SMCO1: variants seen among roughly 807,000 people sequenced by gnomAD.
The protein encoded by SMCO1 is single-pass membrane protein with coiled-coil domains 1.
A neutral mutation model predicts 7.5 loss-of-function variants in SMCO1; 9 were observed. The ratio of observed to expected loss-of-function variants is 1.20; its 90% CI spans 0.72 to 2.09. SMCO1 has a LOEUF of 2.09. Ranked by LOEUF, SMCO1 falls within the 30% of genes most tolerant of loss-of-function variation. The pLI, the probability that SMCO1 is intolerant of heterozygous loss-of-function variation, is 0.00. For synonymous variants in SMCO1, 90 were observed against 93.8 expected (o/e 0.96, Z 0.23); for missense variants, 219 against 253.1 (o/e 0.87, Z 0.91).
upstream of SMCO1, among the ~76,000 whole-genome samples, chr3:196,516,872 G>A (rs1452572482): frequency 6.6e-6 from 1 of 152,006 alleles, no homozygotes; most frequent in Non-Finnish European, 1.5e-5. Context: ...GCTGAGGTGG[G>A]TAGATCACTT....
chr3:196,515,774 G>T (rs971239100), upstream of SMCO1, among the ~76,000 whole-genome samples: 7 of 151,474 alleles, frequency 4.6e-5, no homozygotes, highest in Non-Finnish European at 8.8e-5. Context: ...GCCAAGGTGG[G>T]AGGATTGCTT....
intron 1 of SMCO1, among the ~76,000 whole-genome samples, chr3:196,511,428 C>A (rs142727335): frequency 6.1e-3 from 395 of 64,424 alleles, no homozygotes; most frequent in African/African-American, 0.036. Flanking sequence ...CTAGATTGTC[C>A]TTATGAGGGA....
intron 1 of SMCO1, among the ~76,000 whole-genome samples, chr3:196,511,823 G>T (rs1424628632): frequency 4.4e-5 from 5 of 114,828 alleles, no homozygotes; most frequent in African/African-American, 2.1e-4. Context: ...TGCCTGGGCC[G>T]CCTAGATTGT....
Position 196,508,065 on chromosome 3 carries a change from T to G in SMCO1, c.467A>C (p.Lys156Thr), listed in dbSNP as rs1038947502. The change falls in exon 3 of 3, where the codon AAA (lysine) becomes ACA (threonine). Residue 156 changes from lysine (K) to threonine (T), a missense_variant. Lys to Thr is a moderately conservative substitution (Grantham distance 78, BLOSUM62 -1). Transcript: ENST00000397537. ...ATCCCTGATGTACATCTGCCTCACT[T>G]TAGCAGTATAGTGTTCTGCCTTGTT... The part of the protein sequence containing the change: ...RGNKAEHYTA[K>T]VRQMYIRDVT... The G allele has an allele frequency of 6.2e-7, 1 of 1,614,202 alleles. No individual in the cohort carries two copies. The highest frequency in any genetic ancestry group is 8.5e-7 in the Non-Finnish European group (1 of 1,180,036).
chr3:196,515,459 G>A, upstream of SMCO1: 1 of 490,902 alleles, frequency 2.0e-6, no homozygotes, highest in Non-Finnish European at 3.7e-6. Context: ...ATTTGCCTTT[G>A]AAAACTGAAC....
upstream of SMCO1, among the ~76,000 whole-genome samples, chr3:196,516,998 CT>C (rs1733403386): frequency 6.9e-6 from 1 of 145,262 alleles, no homozygotes; most frequent in African/African-American, 2.5e-5. Flanking sequence ...ACTTGGGAGT[CT>C]GAGATAGGAG....
chr3:196,514,362 G>C (rs1733327281), intron 1 of SMCO1, among the ~76,000 whole-genome samples: 1 of 152,088 alleles, frequency 6.6e-6, no homozygotes, highest in Non-Finnish European at 1.5e-5. Context: ...TGTTTCCTCA[G>C]CCTAGAATGC....
At chr3:196,514,126 G>A (rs568819192) in intron 1 of SMCO1, among the ~76,000 whole-genome samples, 2 of 152,136 alleles carry the variant, frequency 1.3e-5, no homozygotes, top group Admixed American at 6.5e-5. Flanking sequence ...ACACAATTCC[G>A]ATTCTGTGAC....
At chr3:196,509,133 T>C (rs1462781846) in intron 2 of SMCO1, among the ~76,000 whole-genome samples, 5 of 146,814 alleles carry the variant, frequency 3.4e-5, no homozygotes, top group Non-Finnish European at 6.0e-5. Context: ...CACTGCAAGC[T>C]CCGCCTCCCG....
intron 2 of SMCO1, among the ~76,000 whole-genome samples, chr3:196,508,890 T>C (rs1226345422): frequency 1.4e-5 from 2 of 138,516 alleles, no homozygotes; most frequent in South Asian, 2.4e-4. Context: ...GGAGCCAAGA[T>C]TGCCCCACTG....
chr3:196,516,055 A>T (rs1226862563), upstream of SMCO1, among the ~76,000 whole-genome samples: 8 of 81,426 alleles, frequency 9.8e-5, no homozygotes, highest in African/African-American at 7.0e-4. Context: ...TTATACATAT[A>T]ATTATATATA....
upstream of SMCO1, among the ~76,000 whole-genome samples, chr3:196,517,497 C>T (rs1035232039): frequency 4.6e-5 from 7 of 152,050 alleles, no homozygotes; most frequent in Non-Finnish European, 7.4e-5. Flanking sequence ...TATAAGGAAG[C>T]GCTGGTGGGA....
In SMCO1 at chr3:196,507,309, C is replaced by G. The variant is rs1181767803; in HGVS notation, c.*578G>C. On this transcript the variant is annotated 3_prime_UTR_variant, in exon 3 of 3. Transcript: ENST00000397537. ...TATTGCTATCACTGTGTTGCCCAGGCTGGTCTGAAACCCCTGAGCTCAAGT... is the reference window on the plus strand; with the variant it reads ...TATTGCTATCACTGTGTTGCCCAGGGTGGTCTGAAACCCCTGAGCTCAAGT... 2 of 152,262 alleles carry G rather than the reference C, an allele frequency of 1.3e-5. No homozygotes were observed. Among genetic ancestry groups the G allele is most frequent in the African/African-American group, 4.8e-5 (2 of 41,430 alleles). The allele number at this position is 152,262 out of a possible 1,614,324, so 9.4% of individuals were successfully genotyped here. A position where few individuals can be genotyped will look rare whatever the true frequency, so the allele number is the denominator to read the frequency against.
At chr3:196,509,281 G>T (rs754390211) in intron 2 of SMCO1, among the ~76,000 whole-genome samples, 11 of 149,320 alleles carry the variant, frequency 7.4e-5, no homozygotes, top group Admixed American at 2.0e-4. Flanking sequence ...AGCCAGGGTG[G>T]TCTCGATCTC....
At chr3:196,520,039 C>G (rs1251955115), upstream of SMCO1, among the ~76,000 whole-genome samples, 1 of 152,174 alleles carries the variant, frequency 6.6e-6, no homozygotes. Flanking sequence ...AGATGGGAAA[C>G]AGACCATCTA....
rs1553864942 is a variant in SMCO1 at position 196,508,955 on chromosome 3, A to AAG, written c.200+564_200+565insCT. Among the ~76,000 whole-genome samples the AAG allele has an allele frequency of 2.2e-3, 285 of 130,090 alleles. 5 individuals carry two copies. Among genetic ancestry groups the AAG allele is most frequent in the African/African-American group, 0.011 (257 of 22,928 alleles). 85.3% of individuals were successfully genotyped at this position (130,090 alleles called of 152,430 possible). A position where few individuals can be genotyped will look rare whatever the true frequency, so the allele number is the denominator to read the frequency against. On this transcript the variant is annotated intron_variant, in intron 2 of 2. Transcript: ENST00000397537. ...CCATCTCAAAAAAAAAAAAAAAAAG[A>AAG]AAAAAAAATTAATGCAAATAAGGCT...
upstream of SMCO1, among the ~76,000 whole-genome samples, chr3:196,517,532 G>A (rs947246165): frequency 6.6e-6 from 1 of 152,094 alleles, no homozygotes; most frequent in African/African-American, 2.4e-5. Context: ...GGGTGTGGAA[G>A]CTCTACAGCA....
At chr3:196,512,509 C>CTTTTTTTTTTTTTT (rs36023059) in intron 1 of SMCO1, among the ~76,000 whole-genome samples, 1 of 114,044 alleles carries the variant, frequency 8.8e-6, no homozygotes, top group Non-Finnish European at 1.7e-5. Context: ...TATTTCCTTT[C>CTTTTTTTTTTTTTT]TTTTTTTTTT....
intron 1 of SMCO1, among the ~76,000 whole-genome samples, chr3:196,514,088 A>G (rs927513730): frequency 6.6e-6 from 1 of 152,050 alleles, no homozygotes; most frequent in East Asian, 1.9e-4. Flanking sequence ...TCCATTTCCC[A>G]TCCATCCTCC....
Sources: allele counts gnomAD v4.1 joint callset (sites outside exome capture counted in the v4.1 genomes callset), GRCh38; gene constraint gnomAD v4.1.1; transcripts MANE v1.5; gene names NCBI Gene and HGNC (gene_info 2026-07-23, HGNC 2026-07-21).